Variants in SH3KBP1 observed in about 807,000 individuals in gnomAD.
SH3KBP1 encodes SH3 domain-containing kinase-binding protein 1.
In SH3KBP1, 8 loss-of-function variants were observed where a neutral mutation model predicts 50.1. The observed-to-expected ratio is 0.16, with a 90% confidence interval of 0.09 to 0.29. The LOEUF is 0.29. Ranked by LOEUF, SH3KBP1 falls within the 10% of genes least tolerant of loss-of-function variation. The pLI is 1.00. For missense variants in SH3KBP1, 377 were observed against 535.2 expected (o/e 0.70, Z 2.92); for synonymous variants, 227 against 218.6 (o/e 1.04, Z -0.34).
intron 8 of SH3KBP1, among the ~76,000 whole-genome samples, chrX:19,619,004 G>A (rs188090281): frequency 0.035 from 3,232 of 92,025 alleles, 138 homozygotes; most frequent in African/African-American, 0.12. Flanking sequence ...GGGCAGGAGC[G>A]GTGACTCACG....
chrX:19,701,425 T>C (rs2063532978), intron 4 of SH3KBP1, among the ~76,000 whole-genome samples: 2 of 111,221 alleles, frequency 1.8e-5, no homozygotes, highest in African/African-American at 6.5e-5. Flanking sequence ...TTTCATTGCA[T>C]CCACCAGCAC....
chrX:19,639,815 G>A (rs778981633), intron 7 of SH3KBP1, among the ~76,000 whole-genome samples: 1 of 109,782 alleles, frequency 9.1e-6, no homozygotes, highest in African/African-American at 3.3e-5. Context: ...GGGAGGATAT[G>A]TGAGCAAAAC....
intron 6 of SH3KBP1, among the ~76,000 whole-genome samples, chrX:19,652,328 T>G (rs190573720): frequency 3.6e-5 from 4 of 111,608 alleles, no homozygotes; most frequent in Non-Finnish European, 7.5e-5. Flanking sequence ...GAGAAGAATC[T>G]AATCTCAGCT....
chrX:19,614,033 T>C (rs1265675172), intron 8 of SH3KBP1, among the ~76,000 whole-genome samples: 3 of 113,111 alleles, frequency 2.7e-5, no homozygotes. Context: ...ATTACACTCA[T>C]GTGCATTTGT....
rs1021716857 is a variant in SH3KBP1, at chrX:19,706,861, T to C, written c.390+20A>G. On this transcript the variant is annotated intron_variant, in intron 4 of 17. Transcript: ENST00000397821. The stretch of plus-strand genomic sequence containing the variant: ...GACAGCCCATTCGAGGCCATTGCAC[T>C]GCCCGGCCAGGTCGCTTACCTCTCC... 1.7e-6 allele frequency: 2 copies of C among 1,170,263 alleles called. No homozygotes were observed. The highest frequency in any genetic ancestry group is 3.0e-5 in the East Asian group (1 of 33,630).
At chrX:19,557,563 A>G (rs992857922) in intron 13 of SH3KBP1, among the ~76,000 whole-genome samples, 2 of 112,253 alleles carry the variant, frequency 1.8e-5, no homozygotes, top group African/African-American at 6.5e-5. Flanking sequence ...AATCGTAGCC[A>G]CCAGCCCCAC....
At chrX:19,605,194 GAA>G (rs2067207423) in intron 9 of SH3KBP1, among the ~76,000 whole-genome samples, 1 of 110,346 alleles carries the variant, frequency 9.1e-6, no homozygotes, top group Non-Finnish European at 1.9e-5. Flanking sequence ...CTGGGAATTA[GAA>G]GGCATGCTTT....
chrX:19,614,212 G>A (rs1324126601), intron 8 of SH3KBP1, among the ~76,000 whole-genome samples: 1 of 112,474 alleles, frequency 8.9e-6, no homozygotes, highest in Non-Finnish European at 1.9e-5. Flanking sequence ...CTTCAGTATC[G>A]GGCCTCAGTC....
At chrX:19,541,038 C>G (rs1467169838) in intron 16 of SH3KBP1, among the ~76,000 whole-genome samples, 2 of 111,033 alleles carry the variant, frequency 1.8e-5, no homozygotes, top group African/African-American at 6.6e-5. Context: ...CCTCAGCCTC[C>G]CAAGTGGCTG....
chrX:19,774,324 C>T (rs914331926), intron 2 of SH3KBP1, among the ~76,000 whole-genome samples: 1 of 111,168 alleles, frequency 9.0e-6, no homozygotes, highest in Non-Finnish European at 1.9e-5. Flanking sequence ...AAAAATACAT[C>T]TTTGCATAGA....
intron 1 of SH3KBP1, among the ~76,000 whole-genome samples, chrX:19,878,734 T>G (rs954100695): frequency 3.2e-4 from 35 of 109,552 alleles, no homozygotes; most frequent in African/African-American, 1.1e-3. Context: ...TAGGGAGGGG[T>G]GATTTTAAAA....
chrX:19,595,058 A>T, intron 9 of SH3KBP1, 58 bp from the exon 10 acceptor site: 1 of 829,813 alleles, frequency 1.2e-6, no homozygotes, highest in Non-Finnish European at 1.8e-6. Context: ...GTCCTCTCAC[A>T]GAAGGACCAC....
In SH3KBP1 at chrX:19,848,209, C is replaced by T. The variant is rs2068413279; in HGVS notation, c.5-11927G>A. Among the ~76,000 whole-genome samples, 3 of 111,749 alleles carry T rather than the reference C, an allele frequency of 2.7e-5. No homozygotes were observed. The Admixed American group carries it at 2.8e-4, about 11-fold the overall frequency. On this transcript the variant is annotated intron_variant, in intron 1 of 17. Transcript: ENST00000397821. ...AAGCCAGCTACCCTTAGATAAATGG[C>T]TGATTTCATTTCTGGGGCAGGAAAG...
intron 1 of SH3KBP1, among the ~76,000 whole-genome samples, chrX:19,847,333 C>T (rs779514018): frequency 3.6e-5 from 4 of 111,421 alleles, no homozygotes; most frequent in African/African-American, 9.8e-5. Context: ...AAAGAAAAGT[C>T]ATATTGCCCA....
intron 10 of SH3KBP1, 50 bp downstream of exon 10, chrX:19,594,899 G>C (rs760697854): frequency 1.9e-5 from 18 of 930,001 alleles, no homozygotes; most frequent in Non-Finnish European, 2.8e-5. Context: ...TTGAATATAT[G>C]CAAAAAGAAA....
chrX:19,827,708 G>A (rs2067724536), intron 2 of SH3KBP1, among the ~76,000 whole-genome samples: 1 of 106,682 alleles, frequency 9.4e-6, no homozygotes, highest in African/African-American at 3.4e-5. Flanking sequence ...CCCTGTGAAA[G>A]AGTCCACATC....
intron 1 of SH3KBP1, 30 bp downstream of exon 1, chrX:19,887,277 G>T: frequency 1.0e-6 from 1 of 972,455 alleles, no homozygotes; most frequent in South Asian, 3.7e-5. Flanking sequence ...GGCTGAAGTG[G>T]ACGCCCGGAC....
intron 2 of SH3KBP1, among the ~76,000 whole-genome samples, chrX:19,760,801 T>C (rs957266503): frequency 2.7e-5 from 3 of 110,807 alleles, no homozygotes; most frequent in African/African-American, 6.6e-5. Context: ...GCTCCATCAG[T>C]AGGAGGGAGA....
chrX:19,639,276 G>A (rs752286898), intron 7 of SH3KBP1, among the ~76,000 whole-genome samples: 11 of 111,731 alleles, frequency 9.8e-5, no homozygotes, highest in African/African-American at 3.6e-4. Flanking sequence ...TTGGGAATTT[G>A]ACTTTCAAAT....
Sources: gnomAD v4.1 joint callset for allele counts (sites outside exome capture counted in the v4.1 genomes callset) on GRCh38, gnomAD v4.1.1 for gene constraint, MANE v1.5 for transcripts, NCBI Gene and HGNC (gene_info 2026-07-23, HGNC 2026-07-21) for gene names.